BRAP: variants seen among roughly 807,000 people sequenced by gnomAD.
BRAP encodes BRCA1-associated protein.
In BRAP, 42 loss-of-function variants were observed where a neutral mutation model predicts 73.4. The ratio of observed to expected loss-of-function variants is 0.57; its 90% CI spans 0.45 to 0.74. The LOEUF is 0.74. Among genes scored for constraint, BRAP ranks in the 30% least tolerant of loss-of-function variants. The probability of loss-of-function intolerance (pLI) is 0.00; values close to 1 mark genes in which losing one functional copy is unlikely to be tolerated. For synonymous variants in BRAP, 255 were observed against 267.4 expected, an observed-to-expected ratio of 0.95 and a Z score of 0.45; for missense variants, 593 against 751.4, an observed-to-expected ratio of 0.79 and a Z score of 2.46.
chr12:111,652,995 C>T (rs2135899316), intron 10 of BRAP, among the ~76,000 whole-genome samples: 1 of 152,264 alleles, frequency 6.6e-6, no homozygotes, highest in Admixed American at 6.5e-5. Flanking sequence ...CAGGCGTGAT[C>T]CACTGTGCCC....
intron 6 of BRAP, among the ~76,000 whole-genome samples, chr12:111,662,053 T>C (rs1300227807): frequency 6.6e-6 from 1 of 152,178 alleles, no homozygotes; most frequent in East Asian, 1.9e-4. Context: ...AAGATACCAG[T>C]GCTCTATCAG....
intron 4 of BRAP, among the ~76,000 whole-genome samples, chr12:111,676,786 G>A (rs1330243638): frequency 1.3e-5 from 2 of 152,152 alleles, no homozygotes; most frequent in Non-Finnish European, 2.9e-5. Flanking sequence ...CCGGTCTCTA[G>A]TAAGTGCTTC....
intron 3 of BRAP, 134 bp downstream of exon 3, chr12:111,681,503 T>C (rs573010533): frequency 5.9e-6 from 4 of 682,456 alleles, no homozygotes; most frequent in South Asian, 5.0e-5. Flanking sequence ...TTCTCTAACA[T>C]ACAACAGACA....
chr12:111,646,871 G>A (rs1485644363), intron 11 of BRAP, among the ~76,000 whole-genome samples: 2 of 152,170 alleles, frequency 1.3e-5, no homozygotes, highest in East Asian at 3.8e-4. Context: ...TCAGGATTAG[G>A]TAAAAAGAGA....
intron 5 of BRAP, among the ~76,000 whole-genome samples, chr12:111,668,448 C>T (rs957407776): frequency 1.3e-5 from 2 of 151,952 alleles, no homozygotes; most frequent in Non-Finnish European, 2.9e-5. Context: ...AAACAGCTTC[C>T]TTATGATTTG....
chr12:111,656,183 T>C (rs1013074184), intron 9 of BRAP, among the ~76,000 whole-genome samples: 5 of 152,190 alleles, frequency 3.3e-5, no homozygotes, highest in Non-Finnish European at 5.9e-5. Flanking sequence ...GCCTGGCACA[T>C]GGTGGATGTC....
At position 111,665,576 on chromosome 12, in the gene BRAP, CTTT is replaced by C; in HGVS notation, c.896+60_896+62del. ...GAATGGTTCATTTCTGCTGGTGGCTCTTTTTAATTCTGGAAGGGTTGCAATGGG... is the reference window on the plus strand; with the variant it reads ...GAATGGTTCATTTCTGCTGGTGGCTCTTAATTCTGGAAGGGTTGCAATGGG... On this transcript the variant is annotated intron_variant, in intron 6 of 11. Coordinates refer to ENST00000419234, the MANE Select transcript of BRAP (RefSeq NM_006768.5). The surrounding 1 kb of genome is among the most constrained non-coding windows in gnomAD (Gnocchi z 4.3). 2 of 1,579,576 alleles carry C rather than the reference CTTT, an allele frequency of 1.3e-6. No individual in the cohort carries two copies. The highest frequency in any genetic ancestry group is 1.7e-6 in the Non-Finnish European group (2 of 1,156,714).
intron 10 of BRAP, among the ~76,000 whole-genome samples, chr12:111,653,558 A>G (rs1175391760): frequency 6.6e-6 from 1 of 152,312 alleles, no homozygotes; most frequent in East Asian, 1.9e-4. Flanking sequence ...CTCACATGCT[A>G]TAATAACGGC....
intron 10 of BRAP, among the ~76,000 whole-genome samples, chr12:111,651,955 G>T (rs998580062): frequency 7.2e-5 from 11 of 151,834 alleles, no homozygotes; most frequent in African/African-American, 2.4e-4. Context: ...ATTTCTAAAT[G>T]TACTTCTCTG....
chr12:111,684,775 T>C (rs1438979314), intron 1 of BRAP, among the ~76,000 whole-genome samples: 6 of 152,098 alleles, frequency 3.9e-5, no homozygotes, highest in Non-Finnish European at 7.4e-5. Flanking sequence ...TTCAAGCGAT[T>C]CTCCTGCCTC....
At position 111,685,840 on chromosome 12, in the gene BRAP, G is replaced by GGAAGGCGAGCCGA. The variant is rs1178570189; in HGVS notation, c.-61_-49dup. The GGAAGGCGAGCCGA allele has an allele frequency of 7.0e-7, 1 of 1,418,554 alleles. No homozygotes were observed. Among genetic ancestry groups the GGAAGGCGAGCCGA allele is most frequent in the African/African-American group, 1.5e-5 (1 of 66,662 alleles). 87.9% of individuals were successfully genotyped at this position (1,418,554 alleles called of 1,614,324 possible). On this transcript the variant is annotated 5_prime_UTR_variant, in exon 1 of 12. Coordinates refer to ENST00000419234, the MANE Select transcript of BRAP (RefSeq NM_006768.5). Reference sequence around the variant, plus strand: ...GGCCCCGGCGGGCTCAGGCGAGGCTGGAAGGCGAGCCGAGAGGCCGAGCGG... The same window carrying GGAAGGCGAGCCGA: ...GGCCCCGGCGGGCTCAGGCGAGGCTGGAAGGCGAGCCGAGAAGGCGAGCCGAGAGGCCGAGCGG...
At chr12:111,647,536 A>T (rs1030509460) in intron 11 of BRAP, among the ~76,000 whole-genome samples, 9 of 152,196 alleles carry the variant, frequency 5.9e-5, no homozygotes, top group African/African-American at 2.2e-4. Context: ...AGCAGGATCT[A>T]GAGGGTGAAA....
intron 4 of BRAP, among the ~76,000 whole-genome samples, chr12:111,678,383 G>T (rs1052589937): frequency 6.6e-6 from 1 of 151,940 alleles, no homozygotes; most frequent in Admixed American, 6.6e-5. Context: ...AACAGGCCGG[G>T]CATGATGGCT....
chr12:111,652,478 C>T (rs1479995277), intron 10 of BRAP, among the ~76,000 whole-genome samples: 1 of 152,202 alleles, frequency 6.6e-6, no homozygotes, highest in African/African-American at 2.4e-5. Context: ...CTGCCTCGGC[C>T]TCCCAAAGTG....
intron 8 of BRAP, 28 bp downstream of exon 8, chr12:111,659,179 C>G (rs544076084): frequency 6.2e-7 from 1 of 1,606,364 alleles, no homozygotes; most frequent in Admixed American, 1.7e-5. Context: ...CAGAATGAGT[C>G]CAAATTAGAA....
chr12:111,646,104 G>A (rs1244790708), intron 11 of BRAP, among the ~76,000 whole-genome samples: 1 of 152,036 alleles, frequency 6.6e-6, no homozygotes, highest in African/African-American at 2.4e-5. Flanking sequence ...TCAACATAGC[G>A]AGACACCGTC....
intron 2 of BRAP, among the ~76,000 whole-genome samples, chr12:111,682,457 T>G (rs1418633049): frequency 3.1e-5 from 4 of 128,404 alleles, no homozygotes; most frequent in African/African-American, 6.3e-5. Context: ...GCCGAGATCA[T>G]GCCACTGCAC....
At chr12:111,669,234 T>C (rs1238267624) in intron 5 of BRAP, among the ~76,000 whole-genome samples, 12 of 146,842 alleles carry the variant, frequency 8.2e-5, no homozygotes, top group South Asian at 6.4e-4. Context: ...TTCTCTCTCT[T>C]TTTTTTTTTT....
intron 6 of BRAP, among the ~76,000 whole-genome samples, chr12:111,662,559 A>T (rs79711839): frequency 6.6e-6 from 1 of 152,104 alleles, no homozygotes; most frequent in East Asian, 1.9e-4. Flanking sequence ...TAAAAAAAAA[A>T]GCTATAACTA....
Sources: gnomAD v4.1 joint callset for allele counts (sites outside exome capture counted in the v4.1 genomes callset) on GRCh38, gnomAD v4.1.1 for gene constraint, Gnocchi (gnomAD v3.1) non-coding constraint, MANE v1.5 for transcripts, NCBI Gene and HGNC (gene_info 2026-07-23, HGNC 2026-07-21) for gene names.